The following CNKSR2 variants were observed in gnomAD, a reference collection of about 807,000 sequenced individuals.
CNKSR2 encodes connector enhancer of kinase suppressor of Ras 2.
Under a neutral mutation model 84.4 loss-of-function variants are expected in CNKSR2, and 14 were observed. The ratio of observed to expected loss-of-function variants is 0.17; its 90% CI spans 0.11 to 0.26. CNKSR2 has a LOEUF of 0.26. Among genes scored for constraint, CNKSR2 ranks in the 10% least tolerant of loss-of-function variants. The pLI, the probability that CNKSR2 is intolerant of heterozygous loss-of-function variation, is 1.00. For missense variants in CNKSR2, 485 were observed against 771.2 expected, an observed-to-expected ratio of 0.63 and a Z score of 4.40; for synonymous variants, 275 against 277.9, an observed-to-expected ratio of 0.99 and a Z score of 0.10.
At chrX:21,482,603 A>G (rs1416832654) in intron 5 of CNKSR2, among the ~76,000 whole-genome samples, 1 of 112,183 alleles carries the variant, frequency 8.9e-6, no homozygotes, top group East Asian at 2.8e-4. Flanking sequence ...ATGAATTTTG[A>G]CTTACTAATT....
chrX:21,620,001 G>T (rs2092594923), intron 20 of CNKSR2, among the ~76,000 whole-genome samples: 1 of 110,501 alleles, frequency 9.0e-6, no homozygotes, highest in Non-Finnish European at 1.9e-5. Context: ...CTATGTAGTT[G>T]CTGGGCTGCC....
intron 4 of CNKSR2, among the ~76,000 whole-genome samples, chrX:21,467,845 C>T (rs1012220189): frequency 9.0e-6 from 1 of 110,630 alleles, no homozygotes; most frequent in Non-Finnish European, 1.9e-5. Context: ...AATCTTAAAT[C>T]TAGGATCACA....
intron 20 of CNKSR2, among the ~76,000 whole-genome samples, chrX:21,622,946 A>C (rs1326936791): frequency 1.8e-5 from 2 of 111,582 alleles, no homozygotes; most frequent in African/African-American, 3.3e-5. Flanking sequence ...AGGTGACTTC[A>C]TTAGGACAAT....
rs769470228 is a variant in CNKSR2 at position 21,606,895 on chromosome X, G to A, written c.2145+16G>A. 1.1e-6 allele frequency: 1 copy of A among 914,430 alleles called. No homozygotes were observed. Among genetic ancestry groups the A allele is most frequent in the Non-Finnish European group, 1.5e-6 (1 of 646,341 alleles). 75.4% of individuals were successfully genotyped at this position (914,430 alleles called of 1,213,427 possible). A position where few individuals can be genotyped will look rare whatever the true frequency, so the allele number is the denominator to read the frequency against. On this transcript the variant is annotated intron_variant, in intron 19 of 21. Coordinates refer to ENST00000379510, the MANE Select transcript of CNKSR2 (RefSeq NM_014927.5). ...ACCTCCCTCGGTAAGTTAGCAACAA[G>A]AACATTACTTATCACCAGATTCTTC...
At chrX:21,566,730 G>A (rs1601957420) in intron 13 of CNKSR2, among the ~76,000 whole-genome samples, 1 of 111,440 alleles carries the variant, frequency 9.0e-6, no homozygotes, top group African/African-American at 3.3e-5. Context: ...AAGTAAAGGG[G>A]TGTGTGCATG....
chrX:21,453,260 G>A (rs1239897745), intron 4 of CNKSR2, among the ~76,000 whole-genome samples: 1 of 111,399 alleles, frequency 9.0e-6, no homozygotes, highest in Non-Finnish European at 1.9e-5. Flanking sequence ...ATGAGCATTG[G>A]CATGTATCCT....
intron 20 of CNKSR2, among the ~76,000 whole-genome samples, chrX:21,635,438 A>G (rs930589294): frequency 4.8e-5 from 5 of 104,045 alleles, no homozygotes; most frequent in Non-Finnish European, 9.8e-5. Flanking sequence ...GTATATGTGT[A>G]TATATATATA....
chrX:21,513,039 ATG>A (rs932211506), intron 8 of CNKSR2, among the ~76,000 whole-genome samples: 7 of 112,324 alleles, frequency 6.2e-5, no homozygotes, highest in African/African-American at 2.3e-4. Flanking sequence ...AATAAAAAGA[ATG>A]TAACATAGAT....
At chrX:21,609,739 A>G in intron 20 of CNKSR2, 122 bp downstream of exon 20, 1 of 952,009 alleles carries the variant, frequency 1.1e-6, no homozygotes, top group Non-Finnish European at 1.4e-6. Flanking sequence ...ATTGCTATAT[A>G]GTAAGTTAGG....
intron 4 of CNKSR2, among the ~76,000 whole-genome samples, chrX:21,451,615 G>A (rs760933431): frequency 1.1e-3 from 106 of 99,558 alleles, no homozygotes; most frequent in Non-Finnish European, 1.8e-3. Context: ...ACCAAACACC[G>A]CATGTTCTCA....
intron 6 of CNKSR2, chrX:21,491,561 G>T (rs1001046605): frequency 8.9e-6 from 1 of 111,775 alleles, no homozygotes; most frequent in Non-Finnish European, 1.9e-5. Flanking sequence ...CTATCCTAGA[G>T]AGTAAGTTTT....
At chrX:21,476,353 A>G (rs1194255669) in intron 5 of CNKSR2, among the ~76,000 whole-genome samples, 1 of 111,559 alleles carries the variant, frequency 9.0e-6, no homozygotes, top group African/African-American at 3.3e-5. Context: ...TATCTTCCCA[A>G]TTTTTTTCAA....
intron 4 of CNKSR2, chrX:21,468,806 G>A (rs2091161504): frequency 9.0e-6 from 1 of 111,385 alleles, no homozygotes; most frequent in Non-Finnish European, 1.9e-5. Flanking sequence ...TCTTATATAT[G>A]TGTCTGCTTT....
intron 1 of CNKSR2, among the ~76,000 whole-genome samples, chrX:21,404,954 AT>A (rs1384382527): frequency 9.0e-6 from 1 of 111,182 alleles, no homozygotes; most frequent in Non-Finnish European, 1.9e-5. Context: ...AACCTCAATT[AT>A]GTAAACTAAA....
chrX:21,442,788 G>A (rs2090801358), intron 4 of CNKSR2, among the ~76,000 whole-genome samples: 1 of 111,719 alleles, frequency 9.0e-6, no homozygotes, highest in African/African-American at 3.3e-5. Context: ...TTAAGAAAAT[G>A]TATATATACA....
At chrX:21,556,035 A>C (rs767748065) in intron 11 of CNKSR2, among the ~76,000 whole-genome samples, 2 of 110,493 alleles carry the variant, frequency 1.8e-5, no homozygotes, top group Non-Finnish European at 3.8e-5. Context: ...AAAAATGAAG[A>C]GTATTGGTGA....
chrX:21,589,142 C>T (rs746846820), intron 13 of CNKSR2, among the ~76,000 whole-genome samples: 2 of 112,198 alleles, frequency 1.8e-5, no homozygotes, highest in Admixed American at 1.9e-4. Flanking sequence ...TACACACACA[C>T]ACATATACCA....
At chrX:21,561,383 T>C (rs1300495035) in intron 11 of CNKSR2, 88 bp from the exon 12 acceptor site, 7 of 685,405 alleles carry the variant, frequency 1.0e-5, no homozygotes, top group Non-Finnish European at 1.6e-5. Context: ...TGAGTGTGTT[T>C]GGTAGACTTT....
chrX:21,610,775 A>G (rs964369403), intron 20 of CNKSR2, among the ~76,000 whole-genome samples: 2 of 112,153 alleles, frequency 1.8e-5, no homozygotes, highest in Admixed American at 1.9e-4. Flanking sequence ...CAGATTACCA[A>G]CAGGTCAAGA....
Sources: allele counts gnomAD v4.1 joint callset (sites outside exome capture counted in the v4.1 genomes callset), GRCh38; gene constraint gnomAD v4.1.1; transcripts MANE v1.5; gene names NCBI Gene and HGNC (gene_info 2026-07-23, HGNC 2026-07-21).